Variants in L1TD1 observed in about 807,000 individuals in gnomAD.
L1TD1 encodes LINE-1 type transposase domain-containing protein 1.
A neutral mutation model predicts 25.7 loss-of-function variants in L1TD1; 26 were observed. The ratio of observed to expected loss-of-function variants is 1.01; its 90% CI spans 0.74 to 1.40. The LOEUF (loss-of-function observed/expected upper bound fraction) is 1.40, where lower values mean the gene tolerates loss of function less well. L1TD1 is among the 40% of genes most tolerant of loss of function. The pLI is 0.00. For missense variants in L1TD1, 1,130 were observed against 975.0 expected, an observed-to-expected ratio of 1.16 and a Z score of -2.12; for synonymous variants, 421 against 335.6, an observed-to-expected ratio of 1.25 and a Z score of -2.78.
intron 2 of L1TD1, among the ~76,000 whole-genome samples, chr1:62,199,321 A>AAC (rs1670598926): frequency 6.6e-6 from 1 of 152,050 alleles, no homozygotes; most frequent in Non-Finnish European, 1.5e-5. Context: ...AACATGGTGA[A>AAC]ACCCCGTCTC....
At chr1:62,196,076 T>C (rs1435565858) in intron 1 of L1TD1, among the ~76,000 whole-genome samples, 2 of 152,020 alleles carry the variant, frequency 1.3e-5, no homozygotes, top group East Asian at 3.8e-4. Context: ...ACTGGAAAAA[T>C]TGATTTGGAA....
chr1:62,210,201 C>T lies in L1TD1; in HGVS notation c.1427C>T (p.Ser476Phe), dbSNP rs1243672463. ...ACTTTCATTGACTCTGTAGAGGATT[C>T]TGAATCAGAGGAGGAAGAAGAAGGA... ...ETTFIDSVED[S>F]ESEEEEEGKS... The change falls in exon 4 of 4, where the codon TCT (serine) becomes TTT (phenylalanine). Residue 476 changes from serine (S) to phenylalanine (F), a missense_variant. Transcript: ENST00000498273. The T allele has an allele frequency of 1.9e-6, 3 of 1,613,808 alleles. No homozygotes were observed. Among genetic ancestry groups the T allele is most frequent in the Non-Finnish European group, 2.5e-6 (3 of 1,180,006 alleles).
At chr1:62,204,043 A>G (rs1351901708) in intron 2 of L1TD1, among the ~76,000 whole-genome samples, 1 of 152,144 alleles carries the variant, frequency 6.6e-6, no homozygotes, top group Non-Finnish European at 1.5e-5. Context: ...GCTATTCTCT[A>G]GAAGAGTTTG....
chr1:62,210,309 G>C lies in L1TD1; in HGVS notation c.1535G>C (p.Ser512Thr). 6.2e-7 allele frequency: 1 copy of C among 1,614,098 alleles called. No homozygotes were observed. Residue 512 changes from serine (S) to threonine (T), a missense_variant, in exon 4 of 4, where the codon AGT becomes ACT. By Grantham distance (58) the Ser-to-Thr change is moderately conservative. Coordinates refer to ENST00000498273, the MANE Select transcript of L1TD1 (RefSeq NM_019079.5). The part of the protein sequence containing the change: ...ASRRQKEIPF[S>T]YLVGDSGKKK... ...CGTAGACAAAAAGAAATTCCCTTTA[G>C]TTATTTGGTTGGGGACTCTGGGAAG...
intron 2 of L1TD1, among the ~76,000 whole-genome samples, chr1:62,197,600 T>C (rs1221183868): frequency 6.6e-6 from 1 of 151,730 alleles, no homozygotes; most frequent in Non-Finnish European, 1.5e-5. Context: ...GGTGCTGGGA[T>C]TACAGGCTTG....
At chr1:62,198,409 T>C (rs1448779475) in intron 2 of L1TD1, among the ~76,000 whole-genome samples, 2 of 143,868 alleles carry the variant, frequency 1.4e-5, no homozygotes, top group African/African-American at 5.2e-5. Flanking sequence ...GGTCAGATAA[T>C]AGAGACTGAG....
In L1TD1 at chr1:62,210,335, A is replaced by G. The variant is rs780000762; in HGVS notation, c.1561A>G (p.Lys521Glu). The G allele has an allele frequency of 1.6e-5, 26 of 1,613,776 alleles. No individual in the cohort carries two copies. The Middle Eastern group carries it at 9.9e-4, about 61-fold the overall frequency. Residue 521 changes from lysine to glutamate, a missense_variant, in exon 4 of 4, where the codon AAA becomes GAA. Physicochemically the swap from Lys to Glu is moderately conservative, Grantham distance 56. Coordinates refer to ENST00000498273, the MANE Select transcript of L1TD1 (RefSeq NM_019079.5). The stretch of plus-strand genomic sequence containing the variant: ...TTATTTGGTTGGGGACTCTGGGAAG[A>G]AAAAGTTGGTGAAACACCAGGTGGT... ...FSYLVGDSGKKKLVKHQVVHK... is the reference protein window; with the variant it reads ...FSYLVGDSGKEKLVKHQVVHK...
chr1:62,202,815 C>G (rs1164515571), intron 2 of L1TD1, among the ~76,000 whole-genome samples: 2 of 151,680 alleles, frequency 1.3e-5, no homozygotes, highest in African/African-American at 4.8e-5. Context: ...TCCTGAGCAG[C>G]TGGGATTACA....
At position 62,211,627 on chromosome 1, in the gene L1TD1, T is replaced by TC. The variant is rs200255387; in HGVS notation, c.*262dup. ...TACAGATAGAATTCCTTGTTTTACTTCCCCCCCACCACCTCCCTACTGCAG... is the reference window on the plus strand; with the variant it reads ...TACAGATAGAATTCCTTGTTTTACTTCCCCCCCCACCACCTCCCTACTGCAG... On this transcript the variant is annotated 3_prime_UTR_variant, in exon 4 of 4. Transcript: ENST00000498273. 565 of 371,420 alleles carry TC rather than the reference T, an allele frequency of 1.5e-3. 2 individuals carry two copies. The highest frequency in any genetic ancestry group is 0.01 in the African/African-American group (495 of 47,726). 23.0% of individuals were successfully genotyped at this position (371,420 alleles called of 1,614,324 possible).
Position 62,211,003 on chromosome 1 carries a change from T to C in L1TD1, c.2229T>C (p.Ala743=). The C allele has an allele frequency of 6.5e-7, 1 of 1,545,808 alleles. No homozygotes were observed. Among genetic ancestry groups the C allele is most frequent in the Non-Finnish European group, 8.7e-7 (1 of 1,145,664 alleles). ...KKGSSLEIVS[A]CRVPSKIDEK... ...GTTCAAGTCTTGAGATTGTCAGTGC[T>C]TGTCGAGTACCTAGTAAAATTGATG... The change falls in exon 4 of 4, where the codon GCT becomes GCC. Residue 743 remains alanine (A), a synonymous_variant. Transcript: ENST00000498273.
chr1:62,195,437 C>T (rs1383177065), intron 1 of L1TD1, among the ~76,000 whole-genome samples: 1 of 152,206 alleles, frequency 6.6e-6, no homozygotes, highest in African/African-American at 2.4e-5. Flanking sequence ...TGAGGTGGTG[C>T]TTGACAAGTC....
At chr1:62,209,458 G>C (rs1189588714) in intron 3 of L1TD1, among the ~76,000 whole-genome samples, 1 of 152,062 alleles carries the variant, frequency 6.6e-6, no homozygotes, top group Non-Finnish European at 1.5e-5. Flanking sequence ...GCAGACAATT[G>C]ATTAAAATAG....
At chr1:62,206,093 C>G (rs924628994) in intron 2 of L1TD1, among the ~76,000 whole-genome samples, 3 of 152,162 alleles carry the variant, frequency 2.0e-5, no homozygotes, top group Non-Finnish European at 4.4e-5. Flanking sequence ...TGTTAACAAT[C>G]TCTGCAATTC....
chr1:62,196,736 G>A (rs1023863944), intron 2 of L1TD1, among the ~76,000 whole-genome samples: 7 of 152,114 alleles, frequency 4.6e-5, no homozygotes, highest in African/African-American at 1.7e-4. Flanking sequence ...GGGATTACAG[G>A]CGCCTGCCAT....
At chr1:62,196,175 A>G (rs1221301585) in intron 1 of L1TD1, among the ~76,000 whole-genome samples, 2 of 152,168 alleles carry the variant, frequency 1.3e-5, no homozygotes, top group East Asian at 3.8e-4. Context: ...CGTGCCTTCC[A>G]TAATAATAGA....
Position 62,211,545 on chromosome 1 carries a change from T to C in L1TD1, c.*173T>C. 1 of 1,103,296 alleles carries C rather than the reference T, an allele frequency of 9.1e-7. No homozygotes were observed. The highest frequency in any genetic ancestry group is 1.2e-6 in the Non-Finnish European group (1 of 816,622). The allele number at this position is 1,103,296 out of a possible 1,614,324, so 68.3% of individuals were successfully genotyped here. ...ACCTAGATGTTAATAAAGGGTATGTTTAAAAAAAATAGGCTGGTCTCAATG... is the reference window on the plus strand; with the variant it reads ...ACCTAGATGTTAATAAAGGGTATGTCTAAAAAAAATAGGCTGGTCTCAATG... On this transcript the variant is annotated 3_prime_UTR_variant, in exon 4 of 4. Transcript: ENST00000498273.
chr1:62,211,189 T>C lies in L1TD1; in HGVS notation c.2415T>C (p.Ser805=), dbSNP rs769983040. The C allele has an allele frequency of 1.9e-5, 29 of 1,551,980 alleles. No homozygotes were observed. The South Asian group carries it at 3.2e-4, about 17-fold the overall frequency. ...CACTGGACACACTGGATGCTAGAAG[T>C]AAATGGAGCAATGTCTTCAAAGTTC... ...DLSLDTLDAR[S]KWSNVFKVLL... Residue 805 remains serine, a synonymous_variant, in exon 4 of 4, where the codon AGT becomes AGC. Transcript: ENST00000498273.
At chr1:62,209,615 G>C (rs7539677) in intron 3 of L1TD1, among the ~76,000 whole-genome samples, 168 bp from the exon 4 acceptor site, 17,396 of 152,090 alleles carry the variant, frequency 0.11, 1,153 homozygotes, top group East Asian at 0.21. Flanking sequence ...GACTTGACTT[G>C]TTTGGGGACC....
At chr1:62,195,285 G>A (rs1670512248) in intron 1 of L1TD1, among the ~76,000 whole-genome samples, 2 of 152,244 alleles carry the variant, frequency 1.3e-5, no homozygotes, top group Non-Finnish European at 2.9e-5. Context: ...GGTAGGGGCA[G>A]GCAGTTGGCC....
Sources: gnomAD v4.1 joint callset for allele counts (sites outside exome capture counted in the v4.1 genomes callset) on GRCh38, gnomAD v4.1.1 for gene constraint, MANE v1.5 for transcripts, NCBI Gene and HGNC (gene_info 2026-07-23, HGNC 2026-07-21) for gene names.